The following KCNJ18 variants were observed in gnomAD, a reference collection of about 807,000 sequenced individuals.
KCNJ18 encodes potassium inwardly rectifying channel subfamily J member 18.
Under a neutral mutation model 17.3 loss-of-function variants are expected in KCNJ18, and 16 were observed. The observed-to-expected ratio is 0.92, with a 90% CI of 0.62 to 1.40. The LOEUF is 1.40. KCNJ18 is among the 40% of genes most tolerant of loss of function. The pLI, the probability that KCNJ18 is intolerant of heterozygous loss-of-function variation, is 0.00. For missense variants in KCNJ18, 462 were observed against 626.8 expected (o/e 0.74, Z 2.81); for synonymous variants, 185 against 262.6 (o/e 0.70, Z 2.86).
intron 2 of KCNJ18, among the ~76,000 whole-genome samples, chr17:21,698,439 T>C (rs1257251856): frequency 3.4e-4 from 52 of 152,190 alleles, no homozygotes; most frequent in African/African-American, 8.4e-4. Flanking sequence ...TGAGGCGCCC[T>C]AGCTAGCTGA....
At chr17:21,699,775 G>A (rs1255093411) in intron 2 of KCNJ18, among the ~76,000 whole-genome samples, 808 of 150,180 alleles carry the variant, frequency 5.4e-3, no homozygotes, top group African/African-American at 0.02. Context: ...TGGCAGAGAT[G>A]CCAGGAGCTG....
rs1376961909 is a variant in KCNJ18, at chr17:21,698,337, G to A, written c.-57+2233G>A. The stretch of plus-strand genomic sequence containing the variant: ...GATAATAATCACAGTGTGATGGAAG[G>A]GATTAAATGAATCAGTTTATTAAAG... On this transcript the variant is annotated intron_variant, in intron 2 of 2. Coordinates refer to ENST00000567955, the MANE Select transcript of KCNJ18 (RefSeq NM_001194958.2). Among the ~76,000 whole-genome samples the A allele has an allele frequency of 1.8e-4, 28 of 152,088 alleles. No individual in the cohort carries two copies. In the East Asian group the frequency reaches 5.2e-3, roughly 28 times the overall value.
intron 1 of KCNJ18, among the ~76,000 whole-genome samples, chr17:21,695,247 C>T (rs1905725907): frequency 8.3e-5 from 2 of 23,970 alleles, no homozygotes; most frequent in African/African-American, 2.9e-4. Flanking sequence ...ATCCATTCAT[C>T]CACTCATCCA....
chr17:21,699,839 T>A (rs1404556618), intron 2 of KCNJ18, among the ~76,000 whole-genome samples: 1 of 152,292 alleles, frequency 6.6e-6, no homozygotes, highest in Non-Finnish European at 1.5e-5. Flanking sequence ...CGCCAGCTAC[T>A]GGGAGCACAT....
At chr17:21,695,416 A>G (rs1405243809) in intron 1 of KCNJ18, among the ~76,000 whole-genome samples, 29 of 150,514 alleles carry the variant, frequency 1.9e-4, no homozygotes, top group Non-Finnish European at 3.8e-4. Context: ...TCATCCCTGC[A>G]TTCATTTTTC....
chr17:21,702,124 A>T (rs1167976504), intron 2 of KCNJ18, among the ~76,000 whole-genome samples: 1 of 152,182 alleles, frequency 6.6e-6, no homozygotes, highest in Non-Finnish European at 1.5e-5. Flanking sequence ...TCTGGTGCCA[A>T]GGTGGCGAGG....
intron 1 of KCNJ18, among the ~76,000 whole-genome samples, chr17:21,693,514 C>A (rs1350412427): frequency 1.4e-4 from 22 of 152,418 alleles, no homozygotes; most frequent in Non-Finnish European, 2.5e-4. Context: ...AATATCCGAC[C>A]TTCGCTGCTC....
rs1212052172 is a variant in KCNJ18, at chr17:21,702,816, C to T, written c.30C>T (p.Tyr10=). Residue 10 remains tyrosine (Y), a synonymous_variant, in exon 3 of 3, where the codon TAC becomes TAT. Coordinates refer to ENST00000567955, the MANE Select transcript of KCNJ18 (RefSeq NM_001194958.2). The part of the protein sequence containing the change: MTAASRANP[Y]SIVSLEEDGL... ...CCGCGGCCAGCCGGGCCAACCCCTA[C>T]AGCATCGTGTCATTGGAGGAGGACG... 2 of 1,596,148 alleles carry T rather than the reference C, an allele frequency of 1.3e-6. No homozygotes were observed. Among genetic ancestry groups the T allele is most frequent in the Non-Finnish European group, 8.5e-7 (1 of 1,177,702 alleles).
rs1484327141 is a variant in KCNJ18 at position 21,704,282 on chromosome 17, C to T, written c.*194C>T. 2.3e-5 allele frequency: 16 copies of T among 688,288 alleles called. No individual in the cohort carries two copies. The highest frequency in any genetic ancestry group is 1.1e-4 in the East Asian group (4 of 35,348). The allele number at this position is 688,288 out of a possible 1,614,324, so 42.6% of individuals were successfully genotyped here. ...AGGGGGCAGCCAGAGCGGCAGCCCC[C>T]GGCCTCAGAGGCTATCACAGGCTCA... On this transcript the variant is annotated 3_prime_UTR_variant, in exon 3 of 3. Transcript: ENST00000567955.
At chr17:21,698,523 C>T (rs1333633109) in intron 2 of KCNJ18, among the ~76,000 whole-genome samples, 1 of 152,000 alleles carries the variant, frequency 6.6e-6, no homozygotes, top group Non-Finnish European at 1.5e-5. Flanking sequence ...CTGGGTGATG[C>T]AGGCGCCTGC....
intron 2 of KCNJ18, among the ~76,000 whole-genome samples, chr17:21,699,875 T>G (rs2142269832): frequency 6.6e-6 from 1 of 152,384 alleles, no homozygotes; most frequent in African/African-American, 2.4e-5. Flanking sequence ...TGGCCTTTAA[T>G]TCTTGTGATT....
At chr17:21,696,365 C>A (rs1387611597) in intron 2 of KCNJ18, among the ~76,000 whole-genome samples, 1 of 141,576 alleles carries the variant, frequency 7.1e-6, no homozygotes, top group Non-Finnish European at 1.6e-5. Context: ...TTCCACCCAC[C>A]TAGCCAGTCC....
At chr17:21,693,236 C>G (rs1905656189) in intron 1 of KCNJ18, among the ~76,000 whole-genome samples, 1 of 152,296 alleles carries the variant, frequency 6.6e-6, no homozygotes, top group African/African-American at 2.4e-5. Context: ...TTGCAGGGTG[C>G]TGCCCTGCCC....
chr17:21,704,095 C>T lies in KCNJ18; in HGVS notation c.*7C>T. The T allele has an allele frequency of 1.3e-6, 2 of 1,540,704 alleles. No individual in the cohort carries two copies. Among genetic ancestry groups the T allele is most frequent in the Non-Finnish European group, 1.7e-6 (2 of 1,145,142 alleles). On this transcript the variant is annotated 3_prime_UTR_variant, in exon 3 of 3. Coordinates refer to ENST00000567955, the MANE Select transcript of KCNJ18 (RefSeq NM_001194958.2). ...ACGGGGGTCAGAGATCTGAGCCAAC[C>T]TTGGCCGACATGCAGCATCCACCCC...
intron 1 of KCNJ18, among the ~76,000 whole-genome samples, chr17:21,695,534 G>T (rs1905735267): frequency 6.6e-6 from 1 of 152,300 alleles, no homozygotes; most frequent in African/African-American, 2.4e-5. Context: ...TGGCTCCAAG[G>T]TTGGCGTTGG....
In KCNJ18 at chr17:21,704,119, C is replaced by A; in HGVS notation, c.*31C>A. The A allele has an allele frequency of 2.0e-6, 3 of 1,505,942 alleles. No homozygotes were observed. The highest frequency in any genetic ancestry group is 2.7e-6 in the Non-Finnish European group (3 of 1,127,964). The allele number at this position is 1,505,942 out of a possible 1,614,324, so 93.3% of individuals were successfully genotyped here. A position where few individuals can be genotyped will look rare whatever the true frequency, so the allele number is the denominator to read the frequency against. ...CCTTGGCCGACATGCAGCATCCACC[C>A]CTGGCCGGGGAGAGGCCCCGCGGTC... On this transcript the variant is annotated 3_prime_UTR_variant, in exon 3 of 3. Coordinates refer to ENST00000567955, the MANE Select transcript of KCNJ18 (RefSeq NM_001194958.2).
chr17:21,699,909 G>C (rs1905885951), intron 2 of KCNJ18, among the ~76,000 whole-genome samples: 1 of 152,276 alleles, frequency 6.6e-6, no homozygotes, highest in East Asian at 1.9e-4. Context: ...GCTTTGAGCT[G>C]CTTGGAGCAG....
At chr17:21,693,016 G>A (rs1905648185) in intron 1 of KCNJ18, among the ~76,000 whole-genome samples, 3 of 152,430 alleles carry the variant, frequency 2.0e-5, no homozygotes, top group East Asian at 1.9e-4. Flanking sequence ...GCCCTCCCCT[G>A]CGGGACGCTG....
chr17:21,704,119 C>T lies in KCNJ18; in HGVS notation c.*31C>T, dbSNP rs1413630085. 2.7e-6 allele frequency: 4 copies of T among 1,505,824 alleles called. No homozygotes were observed. The highest frequency in any genetic ancestry group is 1.4e-5 in the African/African-American group (1 of 71,900). The allele number at this position is 1,505,824 out of a possible 1,614,324, so 93.3% of individuals were successfully genotyped here. A position where few individuals can be genotyped will look rare whatever the true frequency, so the allele number is the denominator to read the frequency against. On this transcript the variant is annotated 3_prime_UTR_variant, in exon 3 of 3. Transcript: ENST00000567955. ...CCTTGGCCGACATGCAGCATCCACC[C>T]CTGGCCGGGGAGAGGCCCCGCGGTC... is the stretch of plus-strand genomic sequence containing the variant.
Sources: gnomAD v4.1 joint callset for allele counts (sites outside exome capture counted in the v4.1 genomes callset) on GRCh38, gnomAD v4.1.1 for gene constraint, MANE v1.5 for transcripts, NCBI Gene and HGNC (gene_info 2026-07-23, HGNC 2026-07-21) for gene names.